Variants in JAK1 observed in about 807,000 individuals in gnomAD.
JAK1 encodes the protein tyrosine-protein kinase JAK1.
JAK1 carries 16 observed loss-of-function variants against 136.6 expected under a neutral mutation model. The ratio of observed to expected loss-of-function variants is 0.12; its 90% CI spans 0.08 to 0.18. JAK1 has a LOEUF of 0.18. JAK1 is among the 10% of genes least tolerant of loss of function. JAK1 has a pLI of 1.00. For missense variants in JAK1, 859 were observed against 1,450.1 expected (o/e 0.59, Z 6.62); for synonymous variants, 492 against 519.5 (o/e 0.95, Z 0.72).
At chr1:64,905,921 A>G (rs1227144980) in intron 1 of JAK1, among the ~76,000 whole-genome samples, 2 of 152,178 alleles carry the variant, frequency 1.3e-5, no homozygotes, top group African/African-American at 4.8e-5. Context: ...CCAAGGACTC[A>G]GGCCTCAATC....
chr1:64,969,777 G>A (rs1007888817), upstream of JAK1, among the ~76,000 whole-genome samples: 6 of 152,044 alleles, frequency 3.9e-5, no homozygotes, highest in Admixed American at 6.6e-5. Context: ...GGATGCCACC[G>A]ACTGGATGCC....
At chr1:64,982,314 A>G (rs539052144) in intron 2 of JAK1, among the ~76,000 whole-genome samples, 221 of 152,284 alleles carry the variant, frequency 1.5e-3, no homozygotes, top group Non-Finnish European at 2.8e-3. Context: ...TTAACGCATT[A>G]TGTGATTTGG....
At chr1:64,951,707 G>A (rs1007985720) in intron 1 of JAK1, among the ~76,000 whole-genome samples, 9 of 137,392 alleles carry the variant, frequency 6.6e-5, no homozygotes, top group Non-Finnish European at 1.2e-4. Context: ...CGCCCAGGCT[G>A]GAGTGCAGTG....
At chr1:64,970,944 T>A (rs1431427045), upstream of JAK1, among the ~76,000 whole-genome samples, 2 of 152,158 alleles carry the variant, frequency 1.3e-5, no homozygotes, top group African/African-American at 4.8e-5. Context: ...CACCCAACCA[T>A]CAATCATACA....
intron 2 of JAK1, among the ~76,000 whole-genome samples, chr1:65,043,866 G>A (rs1647159274): frequency 6.6e-6 from 1 of 150,696 alleles, no homozygotes; most frequent in African/African-American, 2.4e-5. Context: ...GGATTACAGG[G>A]GCCCACCACC....
intron 13 of JAK1, 48 bp from the exon 14 acceptor site, chr1:64,846,784 G>A (rs1287300799): frequency 6.8e-7 from 1 of 1,476,428 alleles, no homozygotes; most frequent in Non-Finnish European, 9.4e-7. Flanking sequence ...CCTCCAGGGG[G>A]CTGCTCCCCA....
intron 1 of JAK1, among the ~76,000 whole-genome samples, chr1:64,886,767 C>T (rs915688886): frequency 9.6e-5 from 14 of 145,794 alleles, no homozygotes; most frequent in Non-Finnish European, 1.8e-4. Flanking sequence ...CACACACACA[C>T]ACACACACAC....
chr1:65,008,768 G>C (rs1646824498), intron 2 of JAK1, among the ~76,000 whole-genome samples: 1 of 151,968 alleles, frequency 6.6e-6, no homozygotes, highest in Non-Finnish European at 1.5e-5. Context: ...GCTCATTGCA[G>C]CCTCAACCTG....
intron 1 of JAK1, among the ~76,000 whole-genome samples, chr1:64,930,821 A>G (rs1303126971): frequency 3.9e-5 from 6 of 152,236 alleles, no homozygotes; most frequent in African/African-American, 2.4e-5. Flanking sequence ...TGCAGCCATA[A>G]AAAAGGATGA....
intron 2 of JAK1, among the ~76,000 whole-genome samples, chr1:64,884,587 C>G (rs1284008277): frequency 6.6e-6 from 1 of 152,220 alleles, no homozygotes; most frequent in Non-Finnish European, 1.5e-5. Flanking sequence ...ATGCTTGAAA[C>G]CCACAAGGCT....
At chr1:65,018,420 T>G (rs186331850) in intron 2 of JAK1, among the ~76,000 whole-genome samples, 14 of 150,538 alleles carry the variant, frequency 9.3e-5, no homozygotes, top group Admixed American at 7.3e-4. Context: ...CTAAAAAAGG[T>G]GTAAAATATT....
chr1:64,921,348 C>T (rs965893961), intron 1 of JAK1, among the ~76,000 whole-genome samples: 3 of 152,126 alleles, frequency 2.0e-5, no homozygotes, highest in Non-Finnish European at 4.4e-5. Flanking sequence ...ATGACTCCCT[C>T]GCCTCTCCCT....
At chr1:64,843,449 T>C (rs944814784) in intron 17 of JAK1, among the ~76,000 whole-genome samples, 3 of 152,218 alleles carry the variant, frequency 2.0e-5, no homozygotes, top group Non-Finnish European at 2.9e-5. Context: ...TTTTGCATTC[T>C]AGCTGAGGAA....
intron 4 of JAK1, among the ~76,000 whole-genome samples, chr1:64,874,984 C>T (rs1278276830): frequency 1.3e-5 from 2 of 152,222 alleles, no homozygotes; most frequent in Non-Finnish European, 2.9e-5. Context: ...CAGGACTACA[C>T]TGTGACTTCC....
intron 1 of JAK1, among the ~76,000 whole-genome samples, chr1:64,897,786 T>TA (rs1323280088): frequency 7.9e-5 from 12 of 151,744 alleles, no homozygotes; most frequent in Non-Finnish European, 1.6e-4. Flanking sequence ...AAGTCCCCAG[T>TA]ATGTGAAGGT....
chr1:64,986,765 A>G (rs1434572871), intron 2 of JAK1, among the ~76,000 whole-genome samples: 1 of 151,980 alleles, frequency 6.6e-6, no homozygotes. Context: ...AGTCCCAGCT[A>G]CTTGGGAGGC....
rs530761208 is a variant in JAK1 at position 64,910,346 on chromosome 1, AAGC to A, written c.-77-24008_-77-24006del. The stretch of plus-strand genomic sequence containing the variant: ...TTGAGTTTCCTAGGGGTCAAAAAAA[AAGC>A]AGGGGAGAAACATGATCAAATGCAT... On this transcript the variant is annotated intron_variant, in intron 1 of 24. Transcript: ENST00000342505. Among the ~76,000 whole-genome samples, 4 of 152,196 alleles carry A rather than the reference AAGC, an allele frequency of 2.6e-5. No individual in the cohort carries two copies. The South Asian group carries it at 8.3e-4, about 31-fold the overall frequency.
At position 64,869,316 on chromosome 1, in the gene JAK1, G is replaced by C. The variant is rs1322558849; in HGVS notation, c.642C>G (p.Asp214Glu). ...CAGCCAGTGGGAAGCTTTACCTGAT[G>C]TCCTTGGGCAGTTCTGGCAACTGCA... ...KKMQLPELPK[D>E]ISYKRYIPET... Residue 214 changes from aspartate to glutamate, a missense_variant, in exon 6 of 25, where the codon GAC (aspartate) becomes GAG (glutamate). Asp to Glu is a conservative substitution (Grantham distance 45, BLOSUM62 2). This residue lies in a region of JAK1 where 353 missense variants were observed against 494.0 expected (regional missense o/e 0.71). Coordinates refer to ENST00000342505, the MANE Select transcript of JAK1 (RefSeq NM_002227.4). The C allele has an allele frequency of 1.2e-6, 2 of 1,613,660 alleles. No homozygotes were observed. The highest frequency in any genetic ancestry group is 3.3e-5 in the Admixed American group (2 of 60,004).
Position 64,883,281 on chromosome 1 carries a change from T to G in JAK1, c.201A>C (p.Ala67=), listed in dbSNP as rs763742825. The G allele has an allele frequency of 1.2e-6, 2 of 1,612,812 alleles. No homozygotes were observed. Among genetic ancestry groups the G allele is most frequent in the Middle Eastern group, 3.3e-4 (2 of 6,054 alleles). ...TGGGCAGCTGCCAGTACTCACGGCA[T>G]GCCTGTGCAGCCCTGATGCACAGTT... ...AEELCIRAAQ[A]CRISPLCHNL... The change falls in exon 3 of 25, where the codon GCA becomes GCC. Residue 67 remains alanine, a synonymous_variant. Coordinates refer to ENST00000342505, the MANE Select transcript of JAK1 (RefSeq NM_002227.4).
Sources: gnomAD v4.1 joint callset for allele counts (sites outside exome capture counted in the v4.1 genomes callset) on GRCh38, gnomAD v4.1.1 for gene constraint, gnomAD v4.1.1 regional missense constraint, MANE v1.5 for transcripts, NCBI Gene and HGNC (gene_info 2026-07-23, HGNC 2026-07-21) for gene names.